FLT1: variants seen among roughly 807,000 people sequenced by gnomAD.
FLT1 encodes the protein fms related receptor tyrosine kinase 1.
In FLT1, 49 loss-of-function variants were observed where a neutral mutation model predicts 156.3. That is an observed-to-expected ratio of 0.31 (90% CI 0.25 to 0.40). The LOEUF is 0.40. Among genes scored for constraint, FLT1 ranks in the 10% least tolerant of loss-of-function variants. The pLI is 1.00. For synonymous variants in FLT1, 594 were observed against 583.8 expected, an observed-to-expected ratio of 1.02 and a Z score of -0.25; for missense variants, 1,322 against 1,637.2, an observed-to-expected ratio of 0.81 and a Z score of 3.32.
At chr13:28,446,042 T>C (rs1878598789) in intron 3 of FLT1, among the ~76,000 whole-genome samples, 1 of 152,152 alleles carries the variant, frequency 6.6e-6, no homozygotes, top group Non-Finnish European at 1.5e-5. Context: ...GTCAATAGAA[T>C]AAACATCAAA....
chr13:28,467,096 T>C lies in FLT1; in HGVS notation c.195A>G (p.Glu65=), dbSNP rs1002192820. ...GEAAHKWSLP[E]MVSKESERLS... is the part of the protein sequence containing the mutation. ...GCCTTTCGCTTTCCTTACTCACCAT[T>C]TCAGGCAAAGACCATTTATGGGCTG... The change falls in exon 3 of 30, where the codon GAA becomes GAG. Residue 65 remains glutamate, a synonymous_variant. Coordinates refer to ENST00000282397, the MANE Select transcript of FLT1 (RefSeq NM_002019.4). The C allele has an allele frequency of 2.5e-6, 4 of 1,614,024 alleles. No homozygotes were observed.
At chr13:28,368,486 C>A in intron 14 of FLT1, 1 of 1,518,718 alleles carries the variant, frequency 6.6e-7, no homozygotes, top group South Asian at 1.3e-5. Flanking sequence ...GGCTCTCCAA[C>A]TAAAGGATAA....
chr13:28,397,486 C>G (rs537674660), intron 11 of FLT1, among the ~76,000 whole-genome samples: 1 of 152,124 alleles, frequency 6.6e-6, no homozygotes, highest in Non-Finnish European at 1.5e-5. Context: ...TAACAGGAGC[C>G]TTCTCTGCTG....
intron 1 of FLT1, among the ~76,000 whole-genome samples, chr13:28,473,782 GAAAGAAAGAAAGAAAGAAA>G (rs1880358141): frequency 7.4e-4 from 50 of 67,150 alleles, no homozygotes; most frequent in Middle Eastern, 6.1e-3. Flanking sequence ...AGGAAGGAAA[GAAAGAAAGAAAGAAAGAAA>G]GAAAGAAAGA....
At chr13:28,455,610 C>T (rs192596520) in intron 3 of FLT1, among the ~76,000 whole-genome samples, 1 of 152,298 alleles carries the variant, frequency 6.6e-6, no homozygotes, top group Admixed American at 6.5e-5. Flanking sequence ...ACACTAAAGG[C>T]ATGATCTACA....
intron 10 of FLT1, among the ~76,000 whole-genome samples, chr13:28,412,778 C>T (rs1177778401): frequency 5.0e-5 from 7 of 140,252 alleles, no homozygotes; most frequent in Non-Finnish European, 1.1e-4. Flanking sequence ...TCTCTGTCGC[C>T]CAGGCTGGAG....
At chr13:28,484,243 C>T (rs1219459443) in intron 1 of FLT1, among the ~76,000 whole-genome samples, 1 of 152,168 alleles carries the variant, frequency 6.6e-6, no homozygotes. Flanking sequence ...TAGTTTCATT[C>T]TGGAAAAGCT....
intron 3 of FLT1, among the ~76,000 whole-genome samples, chr13:28,444,537 T>C (rs1173211483): frequency 6.6e-6 from 1 of 152,202 alleles, no homozygotes; most frequent in Non-Finnish European, 1.5e-5. Flanking sequence ...ACGACATCTA[T>C]AGAACACTTC....
chr13:28,373,369 T>C (rs986202422), intron 14 of FLT1, among the ~76,000 whole-genome samples: 7 of 152,186 alleles, frequency 4.6e-5, no homozygotes, highest in African/African-American at 1.7e-4. Context: ...AGGTGAACTT[T>C]CTTGACTTTG....
chr13:28,445,991 A>G (rs995299684), intron 3 of FLT1, among the ~76,000 whole-genome samples: 1 of 152,112 alleles, frequency 6.6e-6, no homozygotes, highest in Non-Finnish European at 1.5e-5. Flanking sequence ...GGAATGCAAG[A>G]TTGGTTTAAC....
chr13:28,452,453 G>A (rs1468843636), intron 3 of FLT1, among the ~76,000 whole-genome samples: 1 of 152,196 alleles, frequency 6.6e-6, no homozygotes, highest in African/African-American at 2.4e-5. Context: ...TACACCAGGT[G>A]CTTAATGAAT....
chr13:28,486,839 T>C (rs775635277), intron 1 of FLT1, among the ~76,000 whole-genome samples: 29 of 152,238 alleles, frequency 1.9e-4, no homozygotes, highest in Non-Finnish European at 3.5e-4. Flanking sequence ...TTTAGTGCCT[T>C]TTACAGATTG....
intron 13 of FLT1, chr13:28,387,121 G>A (rs1287189211): frequency 3.9e-6 from 4 of 1,035,634 alleles, no homozygotes; most frequent in Non-Finnish European, 4.6e-6. Context: ...AATCCCAAAG[G>A]CCTTATTTGT....
rs374148779 is a variant in FLT1, at chr13:28,430,027, T to C, written c.1106+23A>G. 12 of 1,438,434 alleles carry C rather than the reference T, an allele frequency of 8.3e-6. No homozygotes were observed. The South Asian group carries it at 1.3e-4, about 15-fold the overall frequency. 89.1% of individuals were successfully genotyped at this position (1,438,434 alleles called of 1,614,324 possible). A position where few individuals can be genotyped will look rare whatever the true frequency, so the allele number is the denominator to read the frequency against. On this transcript the variant is annotated intron_variant, in intron 8 of 29. Coordinates refer to ENST00000282397, the MANE Select transcript of FLT1 (RefSeq NM_002019.4). ...ACTTACAAAGTATGTCTTAAACTGT[T>C]ATGGAAATAAGGATGGTCCTACCAT...
At chr13:28,396,041 G>A (rs1329766437) in intron 12 of FLT1, among the ~76,000 whole-genome samples, 1 of 152,202 alleles carries the variant, frequency 6.6e-6, no homozygotes. Flanking sequence ...AAATACAAGA[G>A]CTATGATGCA....
intron 20 of FLT1, among the ~76,000 whole-genome samples, 191 bp downstream of exon 20, chr13:28,327,271 C>T (rs557484905): frequency 6.6e-6 from 1 of 152,286 alleles, no homozygotes; most frequent in East Asian, 1.9e-4. Context: ...TCAAATGATT[C>T]TCTGTGCTAT....
intron 13 of FLT1, chr13:28,388,596 A>T (rs1874513273): frequency 9.5e-7 from 1 of 1,054,820 alleles, no homozygotes; most frequent in African/African-American, 1.7e-5. Context: ...ACTTCTCTTG[A>T]TTTAAAACTG....
Position 28,396,686 on chromosome 13 carries a change from G to GA in FLT1, c.1660+273dup, listed in dbSNP as rs1013918469. ...CCCTGTGCTAGGTACTGAAGGGAAT[G>GA]AAAAAATGAGCATACAAGATTCCCA... On this transcript the variant is annotated intron_variant, in intron 12 of 29. Coordinates refer to ENST00000282397, the MANE Select transcript of FLT1 (RefSeq NM_002019.4). 1.6e-4 allele frequency: 89 copies of GA among 549,306 alleles called. 1 individual carries two copies. The Admixed American group carries it at 2.4e-3, about 15-fold the overall frequency. The allele number at this position is 549,306 out of a possible 1,614,324, so 34.0% of individuals were successfully genotyped here.
intron 14 of FLT1, among the ~76,000 whole-genome samples, chr13:28,371,385 C>T (rs956593204): frequency 2.0e-5 from 3 of 152,122 alleles, no homozygotes; most frequent in Non-Finnish European, 2.9e-5. Context: ...TTCTGAGAAG[C>T]ATGATGAAGT....
Sources: allele counts gnomAD v4.1 joint callset (sites outside exome capture counted in the v4.1 genomes callset), GRCh38; gene constraint gnomAD v4.1.1; transcripts MANE v1.5; gene names NCBI Gene and HGNC (gene_info 2026-07-23, HGNC 2026-07-21).